Variants in BMP7 observed in about 807,000 individuals in gnomAD.
The protein encoded by BMP7 is bone morphogenetic protein 7.
A neutral mutation model predicts 41.2 loss-of-function variants in BMP7; 12 were observed. That is an observed-to-expected ratio of 0.29 (90% CI 0.19 to 0.47). The LOEUF is 0.47. Ranked by LOEUF, BMP7 falls within the 20% of genes least tolerant of loss-of-function variation. The pLI is 0.99. For synonymous variants in BMP7, 248 were observed against 250.0 expected (o/e 0.99, Z 0.07); for missense variants, 467 against 606.0 (o/e 0.77, Z 2.41).
chr20:57,265,086 CAAAG>C (rs1472864988), intron 1 of BMP7, among the ~76,000 whole-genome samples: 7 of 148,456 alleles, frequency 4.7e-5, no homozygotes, highest in Middle Eastern at 3.4e-3. Context: ...AAAAAATAAA[CAAAG>C]AAAGAAAACA....
Position 57,228,117 on chromosome 20 carries a change from G to A in BMP7, c.611+112C>T. The A allele has an allele frequency of 1.7e-6, 2 of 1,191,296 alleles. 1 individual carries two copies. 73.8% of individuals were successfully genotyped at this position (1,191,296 alleles called of 1,614,324 possible). ...TCTTTAGAAGGGATAATCTGGTACA[G>A]GGCCTGGCACGTGGTTGTGCCAATC... On this transcript the variant is annotated intron_variant, in intron 2 of 6. Coordinates refer to ENST00000395863, the MANE Select transcript of BMP7 (RefSeq NM_001719.3). This position sits in a 1 kb window ranked among gnomAD's most constrained non-coding sequence, Gnocchi z 4.5.
intron 1 of BMP7, among the ~76,000 whole-genome samples, chr20:57,243,473 C>T (rs979133283): frequency 2.0e-5 from 3 of 151,556 alleles, no homozygotes; most frequent in African/African-American, 4.9e-5. Flanking sequence ...AGACTCTGCC[C>T]TAAAAAAAAA....
intron 2 of BMP7, among the ~76,000 whole-genome samples, chr20:57,225,478 C>A (rs1229148877): frequency 1.3e-5 from 2 of 152,054 alleles, no homozygotes; most frequent in Non-Finnish European, 2.9e-5. Flanking sequence ...AAGTATGTCA[C>A]CCCCTTTCAT....
At chr20:57,231,322 G>C (rs535793486) in intron 1 of BMP7, among the ~76,000 whole-genome samples, 1 of 152,344 alleles carries the variant, frequency 6.6e-6, no homozygotes, top group Admixed American at 6.5e-5. Context: ...TAGGCGTTCA[G>C]GGAGTTTCCA....
intron 3 of BMP7, among the ~76,000 whole-genome samples, chr20:57,192,217 ATAC>A (rs1157648362): frequency 3.1e-5 from 4 of 130,068 alleles, no homozygotes; most frequent in African/African-American, 1.2e-4. Flanking sequence ...TACATATTAT[ATAC>A]TATTATATTA....
intron 1 of BMP7, among the ~76,000 whole-genome samples, chr20:57,240,664 G>A (rs1253306167): frequency 6.6e-6 from 1 of 152,152 alleles, no homozygotes; most frequent in Non-Finnish European, 1.5e-5. Context: ...GTTCCACATG[G>A]CTGGAGAGGC....
chr20:57,257,270 C>G (rs1286107097), intron 1 of BMP7, among the ~76,000 whole-genome samples: 1 of 152,130 alleles, frequency 6.6e-6, no homozygotes, highest in African/African-American at 2.4e-5. Flanking sequence ...AATTTGGGAC[C>G]AGGCCTTTAG....
chr20:57,202,723 G>T, intron 2 of BMP7, 100 bp from the exon 3 acceptor site: 1 of 1,156,528 alleles, frequency 8.6e-7, no homozygotes, highest in East Asian at 2.9e-5. Context: ...GGGAGGGGAG[G>T]GAAAGAGTCC....
chr20:57,249,322 C>T (rs1205960992), intron 1 of BMP7, among the ~76,000 whole-genome samples: 1 of 151,934 alleles, frequency 6.6e-6, no homozygotes, highest in East Asian at 2.0e-4. Flanking sequence ...GATACAGGTC[C>T]TACACTCAAG....
chr20:57,259,721 C>T lies in BMP7; in HGVS notation c.418+5984G>A, dbSNP rs943887180. On this transcript the variant is annotated intron_variant, in intron 1 of 6. Transcript: ENST00000395863. The surrounding 1 kb of genome is among the most constrained non-coding windows in gnomAD (Gnocchi z 4.7). ...ATTGCACATGCTTGCCTGAGTTTCG[C>T]ATAAGTAAGTGTCAAACTTCATGCA... 6.6e-6 allele frequency among the ~76,000 whole-genome samples: 1 copy of T among 152,120 alleles called. No individual in the cohort carries two copies. The highest frequency in any genetic ancestry group is 6.5e-5 in the Admixed American group (1 of 15,276).
At position 57,170,560 on chromosome 20, in the gene BMP7, C is replaced by T. The variant is rs918110348; in HGVS notation, c.*399G>A. The T allele has an allele frequency of 3.4e-6, 1 of 290,510 alleles. No individual in the cohort carries two copies. The highest frequency in any genetic ancestry group is 2.2e-5 in the African/African-American group (1 of 45,928). The allele number at this position is 290,510 out of a possible 1,614,324, so 18.0% of individuals were successfully genotyped here. ...CTTCCGGGTCAATTTTCCTTTCGCA[C>T]AGACACCAATGTGCCCACCCCTTGC... On this transcript the variant is annotated 3_prime_UTR_variant, in exon 7 of 7. Transcript: ENST00000395863.
At chr20:57,256,556 G>T (rs2066134937) in intron 1 of BMP7, among the ~76,000 whole-genome samples, 1 of 152,112 alleles carries the variant, frequency 6.6e-6, no homozygotes, top group African/African-American at 2.4e-5. Flanking sequence ...GTAAATTTTG[G>T]GGTACATACC....
At chr20:57,172,878 C>G in intron 6 of BMP7, 1 of 583,840 alleles carries the variant, frequency 1.7e-6, no homozygotes, top group South Asian at 2.1e-5. Flanking sequence ...GAAAATGAAG[C>G]AGGGCCCAGT....
chr20:57,265,962 A>G lies in BMP7; in HGVS notation c.161T>C (p.Met54Thr). Residue 54 changes from methionine to threonine, a missense_variant, in exon 1 of 7, where the codon ATG (methionine) becomes ACG (threonine). Transcript: ENST00000395863. Reference protein sequence around the residue: ...RRLRSQERREMQREILSILGL... With the variant: ...RRLRSQERRETQREILSILGL... Reference sequence around the variant, plus strand: ...CAAAATGGAGAGGATCTCGCGCTGCATCTCCCGCCGCTCCTGGCTGCGGAG... The same window carrying G: ...CAAAATGGAGAGGATCTCGCGCTGCGTCTCCCGCCGCTCCTGGCTGCGGAG... 6.4e-7 allele frequency: 1 copy of G among 1,550,982 alleles called. No homozygotes were observed. The highest frequency in any genetic ancestry group is 8.7e-7 in the Non-Finnish European group (1 of 1,147,176).
In BMP7 at chr20:57,265,736, G is replaced by A. The variant is rs1476476040; in HGVS notation, c.387C>T (p.Asp129=). 1 of 1,609,632 alleles carries A rather than the reference G, an allele frequency of 6.2e-7. No individual in the cohort carries two copies. ...TGACGAAGCTCATGACCATGTCGGC[G>A]TCGGTGAGGAAATGGCTATCTTGCA... ...ASLQDSHFLT[D]ADMVMSFVNL... The change falls in exon 1 of 7, where the codon GAC becomes GAT. Residue 129 remains aspartate, a synonymous_variant. Coordinates refer to ENST00000395863, the MANE Select transcript of BMP7 (RefSeq NM_001719.3).
At chr20:57,234,187 C>G (rs925675707) in intron 1 of BMP7, among the ~76,000 whole-genome samples, 3 of 152,212 alleles carry the variant, frequency 2.0e-5, no homozygotes, top group African/African-American at 7.2e-5. Flanking sequence ...TTCCATGACC[C>G]TCTTCTCCCC....
Position 57,202,937 on chromosome 20 carries a change from C to T in BMP7, c.612-314G>A, listed in dbSNP as rs183005814. Among the ~76,000 whole-genome samples the T allele has an allele frequency of 3.9e-5, 6 of 152,286 alleles. No homozygotes were observed. In the East Asian group the frequency reaches 7.7e-4, roughly 20 times the overall value. On this transcript the variant is annotated intron_variant, in intron 2 of 6. Transcript: ENST00000395863. The stretch of plus-strand genomic sequence containing the variant: ...TAGGAAGACAGGGATTATGCAGCCT[C>T]CGTGTTGCTGGAAGAGTCTCAGAGA...
intron 3 of BMP7, among the ~76,000 whole-genome samples, chr20:57,192,088 TTATA>T (rs1984375266): frequency 4.0e-5 from 5 of 124,950 alleles, no homozygotes; most frequent in Non-Finnish European, 6.2e-5. Flanking sequence ...ATATATTTAT[TTATA>T]TTTATAAATT....
chr20:57,214,636 C>T lies in BMP7; in HGVS notation c.612-12013G>A, dbSNP rs879525688. On this transcript the variant is annotated intron_variant, in intron 2 of 6. Coordinates refer to ENST00000395863, the MANE Select transcript of BMP7 (RefSeq NM_001719.3). This position sits in a 1 kb window ranked among gnomAD's most constrained non-coding sequence, Gnocchi z 4.0. ...GCAACACTGTTCCCTGCCTTTTCAC[C>T]TCCCTCACACCTGCCTGTTCTTGAG... 8.5e-5 allele frequency among the ~76,000 whole-genome samples: 13 copies of T among 152,150 alleles called. No individual in the cohort carries two copies. The highest frequency in any genetic ancestry group is 1.9e-4 in the Non-Finnish European group (13 of 68,026).
Sources: gnomAD v4.1 joint callset for allele counts (sites outside exome capture counted in the v4.1 genomes callset) on GRCh38, gnomAD v4.1.1 for gene constraint, Gnocchi (gnomAD v3.1) non-coding constraint, MANE v1.5 for transcripts, NCBI Gene and HGNC (gene_info 2026-07-23, HGNC 2026-07-21) for gene names.